The following LRRC59 variants were observed in gnomAD, a reference collection of about 807,000 sequenced individuals.
LRRC59 encodes leucine rich repeat containing 59, also known as leucine-rich repeat-containing protein 59.
In LRRC59, 18 loss-of-function variants were observed where a neutral mutation model predicts 33.5. The ratio of observed to expected loss-of-function variants is 0.54; its 90% CI spans 0.37 to 0.80. The LOEUF is 0.80. LRRC59 is among the 30% of genes least tolerant of loss of function. LRRC59 has a pLI of 0.00. For synonymous variants in LRRC59, 138 were observed against 160.0 expected, an observed-to-expected ratio of 0.86 and a Z score of 1.04; for missense variants, 330 against 391.9, an observed-to-expected ratio of 0.84 and a Z score of 1.33.
intron 5 of LRRC59, 26 bp from the exon 6 acceptor site, chr17:50,385,317 A>C: frequency 1.2e-6 from 2 of 1,607,960 alleles, no homozygotes; most frequent in Non-Finnish European, 1.7e-6. Flanking sequence ...CCAAAATTTG[A>C]CTTCTCTCTC....
intron 5 of LRRC59, among the ~76,000 whole-genome samples, chr17:50,386,897 C>T (rs1041420332): frequency 6.6e-6 from 1 of 152,166 alleles, no homozygotes; most frequent in Non-Finnish European, 1.5e-5. Flanking sequence ...GGCCACATTC[C>T]AGTGCCTATA....
At chr17:50,385,925 C>T (rs559121681) in intron 5 of LRRC59, among the ~76,000 whole-genome samples, 59 of 152,188 alleles carry the variant, frequency 3.9e-4, no homozygotes, top group African/African-American at 1.3e-3. Context: ...GGTGTGCTGG[C>T]GCATGCCTGT....
chr17:50,394,874 G>C, intron 2 of LRRC59, 55 bp downstream of exon 2: 3 of 1,231,062 alleles, frequency 2.4e-6, no homozygotes, highest in East Asian at 2.5e-5. Flanking sequence ...CCCCGAAACA[G>C]GAAGGAGATG....
At chr17:50,395,589 C>T (rs929761938) in intron 1 of LRRC59, among the ~76,000 whole-genome samples, 1 of 152,042 alleles carries the variant, frequency 6.6e-6, no homozygotes, top group Non-Finnish European at 1.5e-5. Context: ...CATGACTGAT[C>T]GAGTAAGTAG....
chr17:50,394,873 A>C, intron 2 of LRRC59, 56 bp downstream of exon 2: 38 of 1,048,548 alleles, frequency 3.6e-5, no homozygotes, highest in Non-Finnish European at 4.7e-5. Flanking sequence ...CCCCCGAAAC[A>C]GGAAGGAGAT....
chr17:50,382,772 A>ACCC lies in LRRC59; in HGVS notation c.*215_*216insGGG. The ACCC allele has an allele frequency of 2.6e-5, 6 of 229,080 alleles. No homozygotes were observed. The highest frequency in any genetic ancestry group is 7.5e-5 in the East Asian group (1 of 13,352). The allele number at this position is 229,080 out of a possible 1,614,324, so 14.2% of individuals were successfully genotyped here. A position where few individuals can be genotyped will look rare whatever the true frequency, so the allele number is the denominator to read the frequency against. On this transcript the variant is annotated 3_prime_UTR_variant, in exon 7 of 7. Coordinates refer to ENST00000225972, the MANE Select transcript of LRRC59 (RefSeq NM_018509.4). ...TTAGGCATGCAGGTAACTGCCCCCC[A>ACCC]CGCCCCCCCGCCACCTCCCATTTCT...
chr17:50,389,956 G>C (rs2143365051), intron 4 of LRRC59, among the ~76,000 whole-genome samples: 1 of 152,038 alleles, frequency 6.6e-6, no homozygotes, highest in African/African-American at 2.4e-5. Context: ...AAATTAGCTG[G>C]GTGTGGTGGT....
In LRRC59 at chr17:50,392,825, C is replaced by G; in HGVS notation, c.238G>C (p.Asp80His). The change falls in exon 3 of 7, where the codon GAC (aspartate) becomes CAC (histidine). Residue 80 changes from aspartate (D) to histidine (H), a missense_variant. Transcript: ENST00000225972. ...TGGAGGTTGACCAGACGGCCAAAGTCTGCTGGCAGCTGCTGCAGCTTGTTC... is the reference window on the plus strand; with the variant it reads ...TGGAGGTTGACCAGACGGCCAAAGTGTGCTGGCAGCTGCTGCAGCTTGTTC... ...SKNKLQQLPA[D>H]FGRLVNLQHL... The G allele has an allele frequency of 6.2e-7, 1 of 1,614,110 alleles. No homozygotes were observed. Among genetic ancestry groups the G allele is most frequent in the South Asian group, 1.1e-5 (1 of 91,082 alleles).
At position 50,382,639 on chromosome 17, in the gene LRRC59, G is replaced by A. The variant is rs544566628; in HGVS notation, c.*349C>T. On this transcript the variant is annotated 3_prime_UTR_variant, in exon 7 of 7. Transcript: ENST00000225972. ...GTTTGTGGCATACAAAAGTATAAAT[G>A]TAGTGACAGCTGACCATTTAGTAGA... The A allele has an allele frequency of 7.2e-6, 2 of 277,926 alleles. No individual in the cohort carries two copies. Among genetic ancestry groups the A allele is most frequent in the South Asian group, 9.7e-5 (2 of 20,666 alleles). 17.2% of individuals were successfully genotyped at this position (277,926 alleles called of 1,614,324 possible).
At chr17:50,396,537 G>T (rs1356986907) in intron 1 of LRRC59, 3 of 152,306 alleles carry the variant, frequency 2.0e-5, no homozygotes, top group Non-Finnish European at 2.9e-5. Flanking sequence ...CGGGTGGGAG[G>T]GGGAACGGAG....
At position 50,382,389 on chromosome 17, in the gene LRRC59, G is replaced by A. The variant is rs956873911; in HGVS notation, c.*599C>T. ...CTGGGAGACTAGGCAAGTCATGGAA[G>A]ACCTCAGTTTCTCTGTCTGCAAGTG... On this transcript the variant is annotated 3_prime_UTR_variant, in exon 7 of 7. Coordinates refer to ENST00000225972, the MANE Select transcript of LRRC59 (RefSeq NM_018509.4). The A allele has an allele frequency of 1.3e-5, 2 of 152,480 alleles. No individual in the cohort carries two copies. The highest frequency in any genetic ancestry group is 4.8e-5 in the African/African-American group (2 of 41,444). 9.4% of individuals were successfully genotyped at this position (152,480 alleles called of 1,614,324 possible).
chr17:50,384,358 A>C (rs76582766), intron 6 of LRRC59, among the ~76,000 whole-genome samples: 2 of 152,088 alleles, frequency 1.3e-5, no homozygotes, highest in Non-Finnish European at 2.9e-5. Flanking sequence ...CAGAGTCTCT[A>C]TGTTGCTCAG....
rs1166355719 is a variant in LRRC59 at position 50,396,199 on chromosome 17, CACA to C, written c.105+1011_105+1013del. 2.6e-5 allele frequency: 4 copies of C among 152,224 alleles called. No individual in the cohort carries two copies. The East Asian group carries it at 5.8e-4, about 22-fold the overall frequency. 9.4% of individuals were successfully genotyped at this position (152,224 alleles called of 1,614,324 possible). A position where few individuals can be genotyped will look rare whatever the true frequency, so the allele number is the denominator to read the frequency against. ...GTTTTAAATACTACAGCGGGAAAAACACAACAACAGCTACAAGTATCAGTATTT... is the reference window on the plus strand; with the variant it reads ...GTTTTAAATACTACAGCGGGAAAAACACAACAGCTACAAGTATCAGTATTT... On this transcript the variant is annotated intron_variant, in intron 1 of 6. Transcript: ENST00000225972.
At chr17:50,393,860 ATTTTT>A (rs1909398431) in intron 2 of LRRC59, among the ~76,000 whole-genome samples, 2 of 152,246 alleles carry the variant, frequency 1.3e-5, no homozygotes, top group South Asian at 4.1e-4. Flanking sequence ...ACCTGCTTTT[ATTTTT>A]AATTTTTTAG....
chr17:50,383,043 C>A lies in LRRC59; in HGVS notation c.869G>T (p.Gly290Val). 1.2e-6 allele frequency: 2 copies of A among 1,612,904 alleles called. No individual in the cohort carries two copies. Among genetic ancestry groups the A allele is most frequent in the South Asian group, 1.1e-5 (1 of 90,914 alleles). Residue 290 changes from glycine (G) to valine (V), a missense_variant, in exon 7 of 7, where the codon GGT becomes GTT. By Grantham distance (109) the Gly-to-Val change is moderately radical. Transcript: ENST00000225972. ...VNTIYDNAVQ[G>V]LRRHEILQWV... ...CTGGAGGATCTCATGGCGGCGTAGA[C>A]CCTGGACCGCATTGTCATAGATGGT...
At chr17:50,387,967 G>T in intron 5 of LRRC59, 93 bp downstream of exon 5, 1 of 1,259,546 alleles carries the variant, frequency 7.9e-7, no homozygotes, top group Non-Finnish European at 1.2e-6. Flanking sequence ...TGTTCTTCAT[G>T]ACTACTCTAC....
chr17:50,383,257 A>G (rs1389437059), intron 6 of LRRC59, 22 bp from the exon 7 acceptor site: 1 of 1,548,674 alleles, frequency 6.5e-7, no homozygotes, highest in East Asian at 2.4e-5. Context: ...GTAACAGTAG[A>G]CAAAGCAAGT....
chr17:50,392,885 C>T lies in LRRC59; in HGVS notation c.178G>A (p.Gly60Ser). The T allele has an allele frequency of 6.2e-7, 1 of 1,613,274 alleles. No homozygotes were observed. Among genetic ancestry groups the T allele is most frequent in the Non-Finnish European group, 8.5e-7 (1 of 1,179,264 alleles). ...KLTTLPSDFC[G>S]LTHLVKLDLS... is the part of the protein sequence containing the mutation. ...TCTAGCTTCACCAGGTGTGTGAGGC[C>T]ACAGAAATCCGACTAGGATCCAAAG... Residue 60 changes from glycine to serine, a missense_variant, in exon 3 of 7, where the codon GGC (glycine) becomes AGC (serine). Coordinates refer to ENST00000225972, the MANE Select transcript of LRRC59 (RefSeq NM_018509.4).
intron 4 of LRRC59, among the ~76,000 whole-genome samples, chr17:50,390,907 C>G (rs141626242): frequency 1.2e-3 from 176 of 152,318 alleles, no homozygotes; most frequent in African/African-American, 4.2e-3. Flanking sequence ...AAGACATATG[C>G]AAATACAAAA....
Sources: gnomAD v4.1 joint callset for allele counts (sites outside exome capture counted in the v4.1 genomes callset) on GRCh38, gnomAD v4.1.1 for gene constraint, MANE v1.5 for transcripts, NCBI Gene and HGNC (gene_info 2026-07-23, HGNC 2026-07-21) for gene names.